Variants in CPSF2 observed in about 807,000 individuals in gnomAD.
CPSF2 encodes the protein cleavage and polyadenylation specific factor 2, also known as cleavage and polyadenylation specificity factor subunit 2.
CPSF2 carries 51 observed loss-of-function variants against 84.2 expected under a neutral mutation model. That is an observed-to-expected ratio of 0.61 (90% CI 0.48 to 0.77). The LOEUF (loss-of-function observed/expected upper bound fraction) is 0.77. Among genes scored for constraint, CPSF2 ranks in the 30% least tolerant of loss-of-function variants. The pLI is 0.00. For synonymous variants in CPSF2, 286 were observed against 311.9 expected, an observed-to-expected ratio of 0.92 and a Z score of 0.87; for missense variants, 641 against 929.4, an observed-to-expected ratio of 0.69 and a Z score of 4.03.
intron 2 of CPSF2, among the ~76,000 whole-genome samples, chr14:92,128,630 A>C (rs989821023): frequency 6.6e-6 from 1 of 152,212 alleles, no homozygotes; most frequent in Admixed American, 6.5e-5. Context: ...GTTTGCAAAT[A>C]ATGTTAACAG....
chr14:92,140,785 A>T (rs887662281), intron 7 of CPSF2, among the ~76,000 whole-genome samples: 1 of 151,986 alleles, frequency 6.6e-6, no homozygotes, highest in Non-Finnish European at 1.5e-5. Context: ...GTGGTGGTAC[A>T]GGCCCGTAGT....
At position 92,164,273 on chromosome 14, in the gene CPSF2, C is replaced by G. The variant is rs1365859746; in HGVS notation, c.*2529C>G. 6.6e-6 allele frequency: 1 copy of G among 152,192 alleles called. No homozygotes were observed. The highest frequency in any genetic ancestry group is 1.5e-5 in the Non-Finnish European group (1 of 68,040). The allele number at this position is 152,192 out of a possible 1,614,324, so 9.4% of individuals were successfully genotyped here. A position where few individuals can be genotyped will look rare whatever the true frequency, so the allele number is the denominator to read the frequency against. On this transcript the variant is annotated 3_prime_UTR_variant, in exon 16 of 16. Transcript: ENST00000298875. Reference sequence around the variant, plus strand: ...GAATACCAATACTGAAAAATTGTTTCTTGCCTCACCTTGTCCTATGAACAG... The same window carrying G: ...GAATACCAATACTGAAAAATTGTTTGTTGCCTCACCTTGTCCTATGAACAG...
chr14:92,134,417 C>T (rs540853686), intron 5 of CPSF2, 62 bp downstream of exon 5: 142 of 1,137,672 alleles, frequency 1.2e-4, no homozygotes, highest in Non-Finnish European at 1.6e-4. Context: ...TGGAAAATAC[C>T]GAGGAGAATT....
rs745654255 is a variant in CPSF2, at chr14:92,138,383, T to C, written c.661+36T>C. 2.9e-6 allele frequency: 3 copies of C among 1,050,036 alleles called. No homozygotes were observed. The East Asian group carries it at 8.7e-5, about 31-fold the overall frequency. 65.0% of individuals were successfully genotyped at this position (1,050,036 alleles called of 1,614,324 possible). On this transcript the variant is annotated intron_variant, in intron 7 of 15. Coordinates refer to ENST00000298875, the MANE Select transcript of CPSF2 (RefSeq NM_017437.3). ...TTTCACGTCCTTATTATTATTATTA[T>C]TTTGTAACTTTTTGTATATTTAGGG...
In CPSF2 at chr14:92,143,045, CAAAAG is replaced by C. The variant is rs2069098314; in HGVS notation, c.895_899del (p.Arg299Ter). On this transcript the variant is annotated frameshift_variant, in exon 9 of 16. Transcript: ENST00000298875. LOFTEE classifies it high-confidence loss of function. ...ATAAATTGATGAGATGTTTTGAAGA[CAAAAG>C]AAATAATCCGTTTCAGTTTCGCCAT... The C allele has an allele frequency of 6.2e-7, 1 of 1,613,508 alleles. No individual in the cohort carries two copies. Among genetic ancestry groups the C allele is most frequent in the Non-Finnish European group, 8.5e-7 (1 of 1,179,712 alleles).
intron 9 of CPSF2, among the ~76,000 whole-genome samples, chr14:92,152,948 C>T (rs548275923): frequency 6.6e-6 from 1 of 151,866 alleles, no homozygotes; most frequent in African/African-American, 2.4e-5. Flanking sequence ...AAATTTTGTC[C>T]AGTTTTTTAC....
rs1232443268 is a variant in CPSF2, at chr14:92,166,797, G to A, written c.*5053G>A. Reference sequence around the variant, plus strand: ...CCTGTTTAAAATCAGTTGCCCATGAGTGTATGGGTTTGTTCCTGGACTTGA... The same window carrying A: ...CCTGTTTAAAATCAGTTGCCCATGAATGTATGGGTTTGTTCCTGGACTTGA... On this transcript the variant is annotated 3_prime_UTR_variant, in exon 16 of 16. Coordinates refer to ENST00000298875, the MANE Select transcript of CPSF2 (RefSeq NM_017437.3). 6.6e-6 allele frequency: 1 copy of A among 152,084 alleles called. No individual in the cohort carries two copies. The highest frequency in any genetic ancestry group is 2.4e-5 in the African/African-American group (1 of 41,416). 9.4% of individuals were successfully genotyped at this position (152,084 alleles called of 1,614,324 possible). A position where few individuals can be genotyped will look rare whatever the true frequency, so the allele number is the denominator to read the frequency against.
At position 92,154,842 on chromosome 14, in the gene CPSF2, A is replaced by G. The variant is rs187217720; in HGVS notation, c.1242-281A>G. 8.4e-4 allele frequency among the ~76,000 whole-genome samples: 128 copies of G among 152,316 alleles called. 1 individual carries two copies. The highest frequency in any genetic ancestry group is 2.6e-3 in the Admixed American group (40 of 15,296). Reference sequence around the variant, plus strand: ...TGATATGGCCCATTGTTCCTAGGCTACAAACCTGTACAGCATGTTACTGTA... The same window carrying G: ...TGATATGGCCCATTGTTCCTAGGCTGCAAACCTGTACAGCATGTTACTGTA... On this transcript the variant is annotated intron_variant, in intron 10 of 15. Coordinates refer to ENST00000298875, the MANE Select transcript of CPSF2 (RefSeq NM_017437.3).
At position 92,166,367 on chromosome 14, in the gene CPSF2, G is replaced by A. The variant is rs1379705427; in HGVS notation, c.*4623G>A. ...ATCATTATTATTATTTTCTTTTTGA[G>A]GCAGGGTCTCACTCTGTCACGCAGG... is the stretch of plus-strand genomic sequence containing the variant. On this transcript the variant is annotated 3_prime_UTR_variant, in exon 16 of 16. Transcript: ENST00000298875. The A allele has an allele frequency of 3.3e-5, 5 of 151,422 alleles. No homozygotes were observed. In the East Asian group the frequency reaches 9.7e-4, roughly 29 times the overall value. The allele number at this position is 151,422 out of a possible 1,614,324, so 9.4% of individuals were successfully genotyped here.
chr14:92,133,954 T>C (rs1019094992), intron 3 of CPSF2, 57 bp from the exon 4 acceptor site: 1 of 1,566,980 alleles, frequency 6.4e-7, no homozygotes, highest in African/African-American at 1.4e-5. Context: ...TTTTGAATAT[T>C]CTGTCTTTAC....
chr14:92,146,330 G>A (rs1327073696), intron 9 of CPSF2, among the ~76,000 whole-genome samples: 1 of 152,108 alleles, frequency 6.6e-6, no homozygotes, highest in Non-Finnish European at 1.5e-5. Context: ...GACCAGCCTG[G>A]CCAACAAAGT....
intron 7 of CPSF2, among the ~76,000 whole-genome samples, chr14:92,139,563 G>A (rs557474550): frequency 6.9e-6 from 1 of 145,368 alleles, no homozygotes; most frequent in Non-Finnish European, 1.5e-5. Flanking sequence ...TTTTGAGATG[G>A]TGTCTTGCTC....
At chr14:92,122,691 T>C (rs2141444024) in intron 1 of CPSF2, among the ~76,000 whole-genome samples, 1 of 148,894 alleles carries the variant, frequency 6.7e-6, no homozygotes, top group Non-Finnish European at 1.5e-5. Context: ...GTTCTAATTC[T>C]TTTTTGACTT....
chr14:92,140,426 C>T (rs575746362), intron 7 of CPSF2, among the ~76,000 whole-genome samples: 24 of 147,950 alleles, frequency 1.6e-4, no homozygotes, highest in South Asian at 8.6e-4. Flanking sequence ...ATAGTGAGAC[C>T]CCCATCTCTT....
intron 1 of CPSF2, 111 bp downstream of exon 1, chr14:92,122,239 C>G: frequency 3.5e-6 from 1 of 283,338 alleles, no homozygotes; most frequent in Non-Finnish European, 6.9e-6. Context: ...GAGGACTCGC[C>G]CCCGCCGCTT....
At chr14:92,141,522 C>T (rs538329232) in intron 7 of CPSF2, among the ~76,000 whole-genome samples, 29 of 152,204 alleles carry the variant, frequency 1.9e-4, no homozygotes, top group African/African-American at 6.7e-4. Flanking sequence ...GAGACGGGAT[C>T]TCCCTATGTT....
intron 9 of CPSF2, among the ~76,000 whole-genome samples, chr14:92,147,200 T>C (rs916889917): frequency 3.3e-5 from 5 of 152,302 alleles, no homozygotes; most frequent in African/African-American, 1.2e-4. Flanking sequence ...ACTGGTTGAA[T>C]TCATGAATAA....
chr14:92,153,880 T>C (rs2069253820), intron 9 of CPSF2: 1 of 150,804 alleles, frequency 6.6e-6, no homozygotes, highest in African/African-American at 2.5e-5. Flanking sequence ...TTTTTTTTTT[T>C]TTTTTTATGT....
chr14:92,149,106 C>T (rs2069179153), intron 9 of CPSF2, among the ~76,000 whole-genome samples: 1 of 152,172 alleles, frequency 6.6e-6, no homozygotes, highest in Non-Finnish European at 1.5e-5. Context: ...AAAGCCAAAA[C>T]TATTTTTCAT....
Sources: allele counts gnomAD v4.1 joint callset (sites outside exome capture counted in the v4.1 genomes callset), GRCh38; gene constraint gnomAD v4.1.1; transcripts MANE v1.5; gene names NCBI Gene and HGNC (gene_info 2026-07-23, HGNC 2026-07-21).